Variants in LMNB2 observed in about 807,000 individuals in gnomAD.
LMNB2 encodes the protein lamin B2.
A neutral mutation model predicts 69.3 loss-of-function variants in LMNB2; 17 were observed. The ratio of observed to expected loss-of-function variants is 0.25; its 90% CI spans 0.17 to 0.37. LMNB2 has a LOEUF of 0.37. LMNB2 is among the 10% of genes least tolerant of loss of function. The pLI is 1.00. For synonymous variants in LMNB2, 397 were observed against 389.3 expected, an observed-to-expected ratio of 1.02 and a Z score of -0.23; for missense variants, 789 against 883.6, an observed-to-expected ratio of 0.89 and a Z score of 1.36.
At chr19:2,435,562 G>T (rs1243061570) in intron 4 of LMNB2, among the ~76,000 whole-genome samples, 1 of 152,182 alleles carries the variant, frequency 6.6e-6, no homozygotes, top group South Asian at 2.1e-4. Flanking sequence ...CTGCTGATGG[G>T]GAGGGGGTTC....
At position 2,430,471 on chromosome 19, in the gene LMNB2, G is replaced by C. The variant is rs1971725844; in HGVS notation, c.*440C>G. On this transcript the variant is annotated 3_prime_UTR_variant, in exon 12 of 12. Coordinates refer to ENST00000325327, the MANE Select transcript of LMNB2 (RefSeq NM_032737.4). ...GCAGGCTTGGCCCCGGGCCCCACCA[G>C]GTCGACGCCTGGATTCTGAATTTGG... 3.5e-6 allele frequency: 1 copy of C among 289,364 alleles called. No individual in the cohort carries two copies. Among genetic ancestry groups the C allele is most frequent in the African/African-American group, 2.2e-5 (1 of 45,596 alleles). The allele number at this position is 289,364 out of a possible 1,614,324, so 17.9% of individuals were successfully genotyped here. A position where few individuals can be genotyped will look rare whatever the true frequency, so the allele number is the denominator to read the frequency against.
At chr19:2,432,627 C>G in intron 8 of LMNB2, 104 bp from the exon 9 acceptor site, 1 of 902,964 alleles carries the variant, frequency 1.1e-6, no homozygotes, top group South Asian at 1.3e-5. Flanking sequence ...TCACCCCCAC[C>G]AGCTAGGTCA....
chr19:2,451,759 G>A (rs1441139939), intron 1 of LMNB2, among the ~76,000 whole-genome samples: 4 of 152,082 alleles, frequency 2.6e-5, no homozygotes, highest in Non-Finnish European at 2.9e-5. Flanking sequence ...AGCATAACTC[G>A]GCTGGAGGAG....
chr19:2,434,218 G>T, intron 7 of LMNB2, 77 bp downstream of exon 7: 1 of 1,480,040 alleles, frequency 6.8e-7, no homozygotes, highest in Non-Finnish European at 9.1e-7. Flanking sequence ...AGCACTCCCC[G>T]CAGCCCCGTC....
chr19:2,434,275 A>C lies in LMNB2; in HGVS notation c.1202+20T>G. 1 of 1,610,494 alleles carries C rather than the reference A, an allele frequency of 6.2e-7. No individual in the cohort carries two copies. Among genetic ancestry groups the C allele is most frequent in the Non-Finnish European group, 8.5e-7 (1 of 1,179,086 alleles). On this transcript the variant is annotated intron_variant, in intron 7 of 11. Transcript: ENST00000325327. ...CCCTCCTCCTCACTCTGTGCTCCCA[A>C]GCCTCCTGGCCTGCCGCACCTCTCC...
rs532269275 is a variant in LMNB2 at position 2,431,231 on chromosome 19, G to C, written c.1822-279C>G. Reference sequence around the variant, plus strand: ...TCTCCCCAGAAGCCAGTATTGAAGGGACCTGTGTCTTCGACTGAGGAAGCC... The same window carrying C: ...TCTCCCCAGAAGCCAGTATTGAAGGCACCTGTGTCTTCGACTGAGGAAGCC... On this transcript the variant is annotated intron_variant, in intron 11 of 11. Transcript: ENST00000325327. 5.9e-5 allele frequency among the ~76,000 whole-genome samples: 9 copies of C among 152,332 alleles called. No individual in the cohort carries two copies. The East Asian group carries it at 1.5e-3, about 26-fold the overall frequency.
At chr19:2,451,064 A>T (rs1205976196) in intron 1 of LMNB2, among the ~76,000 whole-genome samples, 1 of 152,052 alleles carries the variant, frequency 6.6e-6, no homozygotes, top group African/African-American at 2.4e-5. Flanking sequence ...AGCATGGTGA[A>T]ACCCCATCTC....
intron 8 of LMNB2, among the ~76,000 whole-genome samples, chr19:2,432,852 T>C (rs553820599): frequency 8.8e-5 from 9 of 102,754 alleles, no homozygotes; most frequent in African/African-American, 3.8e-4. Context: ...GGTCACCCCG[T>C]TACCCCCATG....
At position 2,449,038 on chromosome 19, in the gene LMNB2, A is replaced by G. The variant is rs199643108; in HGVS notation, c.265-4498T>C. ...CCAATAGCTGGGACTATAGGCACACATACTACTATGCCTGCCTAATTAGTT... is the reference window on the plus strand; with the variant it reads ...CCAATAGCTGGGACTATAGGCACACGTACTACTATGCCTGCCTAATTAGTT... On this transcript the variant is annotated intron_variant, in intron 1 of 11. Transcript: ENST00000325327. Among the ~76,000 whole-genome samples, 5 of 152,244 alleles carry G rather than the reference A, an allele frequency of 3.3e-5. No homozygotes were observed. The East Asian group carries it at 9.6e-4, about 29-fold the overall frequency.
Position 2,434,893 on chromosome 19 carries a change from G to A in LMNB2, c.876C>T (p.Ser292=). The change falls in exon 6 of 12, where the codon AGC becomes AGT. Residue 292 remains serine, a synonymous_variant. Coordinates refer to ENST00000325327, the MANE Select transcript of LMNB2 (RefSeq NM_032737.4). The stretch of plus-strand genomic sequence containing the variant: ...TGGCCGCCTTGTCGTTCTGGTCAGA[G>A]CTCAGCTTGGCGCTGTCCAGCTGTG... ...YQAKLDSAKL[S]SDQNDKAASA... is the part of the protein sequence containing the mutation. 6.2e-7 allele frequency: 1 copy of A among 1,605,388 alleles called. No homozygotes were observed.
Position 2,448,623 on chromosome 19 carries a change from G to A in LMNB2, c.265-4083C>T, listed in dbSNP as rs146211736. Among the ~76,000 whole-genome samples the A allele has an allele frequency of 3.0e-3, 463 of 152,240 alleles. 3 individuals are homozygous for A. Among genetic ancestry groups the A allele is most frequent in the African/African-American group, 0.011 (438 of 41,544 alleles). ...AGCACTTTGGGAGGCTGAGGTGGGCGGATTACGAGGTTAGGAGATCAAGAC... is the reference window on the plus strand; with the variant it reads ...AGCACTTTGGGAGGCTGAGGTGGGCAGATTACGAGGTTAGGAGATCAAGAC... On this transcript the variant is annotated intron_variant, in intron 1 of 11. Transcript: ENST00000325327.
chr19:2,432,564 CTG>C, intron 8 of LMNB2, 41 bp from the exon 9 acceptor site: 1 of 1,509,862 alleles, frequency 6.6e-7, no homozygotes, highest in Non-Finnish European at 9.2e-7. Flanking sequence ...GCCACCAGGA[CTG>C]TGACACCGCC....
In LMNB2 at chr19:2,443,846, G is replaced by C. The variant is rs1213385821; in HGVS notation, c.401+558C>G. Among the ~76,000 whole-genome samples, 1 of 152,160 alleles carries C rather than the reference G, an allele frequency of 6.6e-6. No homozygotes were observed. The highest frequency in any genetic ancestry group is 6.5e-5 in the Admixed American group (1 of 15,282). On this transcript the variant is annotated intron_variant, in intron 2 of 11. Transcript: ENST00000325327. This position sits in a 1 kb window ranked among gnomAD's most constrained non-coding sequence, Gnocchi z 6.2. Reference sequence around the variant, plus strand: ...CAGGCAAGACTCACTGCCAGGCTGAGAGGGGAGATCGTTTCTGCCGATGGA... The same window carrying C: ...CAGGCAAGACTCACTGCCAGGCTGACAGGGGAGATCGTTTCTGCCGATGGA...
At position 2,447,005 on chromosome 19, in the gene LMNB2, G is replaced by A. The variant is rs1343545580; in HGVS notation, c.265-2465C>T. Among the ~76,000 whole-genome samples, 2 of 150,700 alleles carry A rather than the reference G, an allele frequency of 1.3e-5. No individual in the cohort carries two copies. The highest frequency in any genetic ancestry group is 1.9e-4 in the East Asian group (1 of 5,178). Reference sequence around the variant, plus strand: ...AAAACATACAAAAAATTAGCCAGGCGTGGTGGTGGGCGCCTGTGGTCCCAG... The same window carrying A: ...AAAACATACAAAAAATTAGCCAGGCATGGTGGTGGGCGCCTGTGGTCCCAG... On this transcript the variant is annotated intron_variant, in intron 1 of 11. Coordinates refer to ENST00000325327, the MANE Select transcript of LMNB2 (RefSeq NM_032737.4). This position sits in a 1 kb window ranked among gnomAD's most constrained non-coding sequence, Gnocchi z 4.4.
rs771415464 is a variant in LMNB2, at chr19:2,433,888, C to T, written c.1420G>A (p.Val474Ile). The stretch of plus-strand genomic sequence containing the variant: ...TCCAGGTCGATCTCCTCGATGCTGA[C>T]GCTACCCGAGGCCGAGGCCTGCTGG... ...LAQQASASGS[V>I]SIEEIDLEGK... is the part of the protein sequence containing the mutation. The change falls in exon 8 of 12, where the codon GTC (valine) becomes ATC (isoleucine). Residue 474 changes from valine to isoleucine, a missense_variant. By Grantham distance (29) the Val-to-Ile change is conservative (BLOSUM62 3). Coordinates refer to ENST00000325327, the MANE Select transcript of LMNB2 (RefSeq NM_032737.4). The T allele has an allele frequency of 2.2e-5, 35 of 1,612,534 alleles. No individual in the cohort carries two copies. The highest frequency in any genetic ancestry group is 3.3e-5 in the Admixed American group (2 of 59,968).
rs1328704882 is a variant in LMNB2 at position 2,443,170 on chromosome 19, C to T, written c.401+1234G>A. 3.9e-5 allele frequency among the ~76,000 whole-genome samples: 6 copies of T among 152,202 alleles called. No homozygotes were observed. The highest frequency in any genetic ancestry group is 1.5e-5 in the Non-Finnish European group (1 of 68,032). Reference sequence around the variant, plus strand: ...AGTGGGCAGCCTGTCCTGGCTGGTGCCTGGCCCCAGGGTCCCCGGCTCATG... The same window carrying T: ...AGTGGGCAGCCTGTCCTGGCTGGTGTCTGGCCCCAGGGTCCCCGGCTCATG... On this transcript the variant is annotated intron_variant, in intron 2 of 11. Coordinates refer to ENST00000325327, the MANE Select transcript of LMNB2 (RefSeq NM_032737.4). The surrounding 1 kb of genome is among the most constrained non-coding windows in gnomAD (Gnocchi z 6.2).
At chr19:2,440,714 A>T (rs1971889981) in intron 2 of LMNB2, among the ~76,000 whole-genome samples, 1 of 149,430 alleles carries the variant, frequency 6.7e-6, no homozygotes, top group African/African-American at 2.5e-5. Flanking sequence ...CCATTCATCC[A>T]TCTACTCATC....
At chr19:2,456,649 C>T in intron 1 of LMNB2, 21 bp downstream of exon 1, 2 of 1,484,684 alleles carry the variant, frequency 1.3e-6, no homozygotes, top group South Asian at 1.3e-5. Context: ...CCCCGCCCGG[C>T]CCCTAAGCCC....
chr19:2,450,121 C>CATATACATATACATATACATATACATAT (rs1972004089), intron 1 of LMNB2, among the ~76,000 whole-genome samples: 26 of 142,420 alleles, frequency 1.8e-4, no homozygotes, highest in African/African-American at 6.8e-4. Context: ...TATATATACA[C>CATATACATATACATATACATATACATAT]ATATATATAT....
Sources: allele counts gnomAD v4.1 joint callset (sites outside exome capture counted in the v4.1 genomes callset), GRCh38; gene constraint gnomAD v4.1.1; non-coding constraint Gnocchi (gnomAD v3.1); transcripts MANE v1.5; gene names NCBI Gene and HGNC (gene_info 2026-07-23, HGNC 2026-07-21).